Variants in GALNT5 observed in about 807,000 individuals in gnomAD.
The protein encoded by GALNT5 is polypeptide N-acetylgalactosaminyltransferase 5.
Under a neutral mutation model 85.4 loss-of-function variants are expected in GALNT5, and 72 were observed. The ratio of observed to expected loss-of-function variants is 0.84; its 90% CI spans 0.70 to 1.03. The LOEUF (loss-of-function observed/expected upper bound fraction) is 1.03. Ranked by LOEUF, GALNT5 falls within the 50% of genes least tolerant of loss-of-function variation. The probability of loss-of-function intolerance (pLI) is 0.00; values close to 1 mark genes in which losing one functional copy is unlikely to be tolerated. For missense variants in GALNT5, 1,137 were observed against 1,135.5 expected (o/e 1.00, Z -0.02); for synonymous variants, 404 against 397.0 (o/e 1.02, Z -0.21).
At chr2:157,277,996 A>G (rs929030133) in intron 1 of GALNT5, among the ~76,000 whole-genome samples, 9 of 152,042 alleles carry the variant, frequency 5.9e-5, no homozygotes, top group African/African-American at 2.2e-4. Flanking sequence ...TTCCTTCAGG[A>G]GCTCTTGTAA....
intron 1 of GALNT5, among the ~76,000 whole-genome samples, chr2:157,262,896 C>T (rs953739342): frequency 7.9e-5 from 11 of 138,790 alleles, no homozygotes; most frequent in East Asian, 6.5e-4. Context: ...GGTGCGATCT[C>T]GGCTCACTGC....
In GALNT5 at chr2:157,259,127, A is replaced by G; in HGVS notation, c.1045A>G (p.Lys349Glu). ...TTCTAAAACCAAAACAATATTTCCT[A>G]AAGTATTGGGTAAAAGCCAAAGTAA... The part of the protein sequence containing the change: ...SNSKTKTIFP[K>E]VLGKSQSKHI... The change falls in exon 1 of 10, where the codon AAA becomes GAA. Residue 349 changes from lysine (K) to glutamate (E), a missense_variant. By Grantham distance (56) the Lys-to-Glu change is moderately conservative. Transcript: ENST00000259056. 2 of 1,476,522 alleles carry G rather than the reference A, an allele frequency of 1.4e-6. No homozygotes were observed. Among genetic ancestry groups the G allele is most frequent in the Admixed American group, 4.7e-5 (2 of 42,424 alleles). 91.5% of individuals were successfully genotyped at this position (1,476,522 alleles called of 1,614,324 possible).
intron 3 of GALNT5, among the ~76,000 whole-genome samples, chr2:157,291,797 C>T (rs1284664105): frequency 2.0e-5 from 3 of 152,122 alleles, no homozygotes; most frequent in Non-Finnish European, 2.9e-5. Context: ...CTCTCTCCTA[C>T]CCTTTCCAAA....
chr2:157,303,113 T>C (rs1221667532), intron 7 of GALNT5, among the ~76,000 whole-genome samples: 1 of 152,220 alleles, frequency 6.6e-6, no homozygotes, highest in Non-Finnish European at 1.5e-5. Flanking sequence ...GAAAGTTTTG[T>C]GTTTTGTAAT....
intron 9 of GALNT5, among the ~76,000 whole-genome samples, chr2:157,309,274 C>T (rs995119218): frequency 6.6e-6 from 1 of 152,196 alleles, no homozygotes. Flanking sequence ...GCCAGCTTTG[C>T]ATTTAATCAT....
Position 157,299,637 on chromosome 2 carries a change from G to A in GALNT5, c.2087G>A (p.Gly696Asp). The A allele has an allele frequency of 6.2e-7, 1 of 1,608,058 alleles. No individual in the cohort carries two copies. Among genetic ancestry groups the A allele is most frequent in the Non-Finnish European group, 8.5e-7 (1 of 1,174,874 alleles). Residue 696 changes from glycine to aspartate, a missense_variant, in exon 6 of 10, where the codon GGT (glycine) becomes GAT (aspartate). By Grantham distance (94) the Gly-to-Asp change is moderately conservative. Coordinates refer to ENST00000259056, the MANE Select transcript of GALNT5 (RefSeq NM_014568.3). The part of the protein sequence containing the change: ...GTYDPGLDVW[G>D]GENMELSFKV... ...TACGACCCTGGCCTTGATGTTTGGG[G>A]TGGGGAAAATATGGAGCTCTCATTC...
At chr2:157,272,775 C>T (rs1682618865) in intron 1 of GALNT5, among the ~76,000 whole-genome samples, 1 of 152,118 alleles carries the variant, frequency 6.6e-6, no homozygotes, top group Admixed American at 6.5e-5. Context: ...ATCCAATCCA[C>T]CATTGAGGGG....
At position 157,308,569 on chromosome 2, in the gene GALNT5, T is replaced by A. The variant is rs1352997590; in HGVS notation, c.2523T>A (p.Leu841=). The A allele has an allele frequency of 6.2e-7, 1 of 1,604,702 alleles. No homozygotes were observed. The highest frequency in any genetic ancestry group is 8.5e-7 in the Non-Finnish European group (1 of 1,177,468). Residue 841 remains leucine, a splice_region_variant and synonymous_variant, in exon 9 of 10, where the codon CTT becomes CTA. Transcript: ENST00000259056. The part of the protein sequence containing the change: ...ILEDCDGSKE[L]QQFNYTWLRL... The stretch of plus-strand genomic sequence containing the variant: ...CTCTTTATTCATTTCCCCCACAGCT[T>A]CAACAATTTAATTACACCTGGTTAA...
intron 1 of GALNT5, among the ~76,000 whole-genome samples, chr2:157,271,917 G>T (rs1173199335): frequency 6.6e-6 from 1 of 152,124 alleles, no homozygotes; most frequent in Non-Finnish European, 1.5e-5. Flanking sequence ...AGAAAACAAA[G>T]CCCCAGACCC....
At chr2:157,280,087 C>T (rs1341801934) in intron 1 of GALNT5, among the ~76,000 whole-genome samples, 1 of 152,190 alleles carries the variant, frequency 6.6e-6, no homozygotes, top group African/African-American at 2.4e-5. Context: ...CATGAGCTAC[C>T]TCACCCAGCC....
At chr2:157,308,521 CTG>C (rs1683500180) in intron 8 of GALNT5, 44 bp from the exon 9 acceptor site, 4 of 1,487,180 alleles carry the variant, frequency 2.7e-6, no homozygotes, top group East Asian at 2.3e-5. Context: ...AAGCCCCTGC[CTG>C]TGTTTGCTGC....
intron 3 of GALNT5, among the ~76,000 whole-genome samples, chr2:157,290,110 T>TACACAC (rs1270926625): frequency 3.1e-5 from 4 of 128,638 alleles, no homozygotes; most frequent in African/African-American, 1.5e-4. Context: ...TATATATATA[T>TACACAC]ATACATACAC....
At chr2:157,260,657 G>A (rs1348324976) in intron 1 of GALNT5, among the ~76,000 whole-genome samples, 1 of 152,166 alleles carries the variant, frequency 6.6e-6, no homozygotes, top group Non-Finnish European at 1.5e-5. Context: ...GGCTTCTGTA[G>A]AAAATTCTTC....
intron 1 of GALNT5, among the ~76,000 whole-genome samples, chr2:157,279,425 C>T (rs1208485219): frequency 6.6e-6 from 1 of 152,248 alleles, no homozygotes; most frequent in African/African-American, 2.4e-5. Flanking sequence ...ATGCCCTACT[C>T]ACAGAGGTGG....
intron 1 of GALNT5, among the ~76,000 whole-genome samples, chr2:157,275,133 G>A (rs1319784449): frequency 6.6e-6 from 1 of 152,140 alleles, no homozygotes; most frequent in Non-Finnish European, 1.5e-5. Context: ...AAGATCAGAT[G>A]GTTGTAGATG....
intron 1 of GALNT5, 144 bp from the exon 2 acceptor site, chr2:157,284,132 GTATATA>G: frequency 3.3e-6 from 2 of 601,620 alleles, no homozygotes; most frequent in Non-Finnish European, 5.9e-6. Context: ...ATCATCATTG[GTATATA>G]TAAATAGATG....
chr2:157,266,573 ATG>A (rs1023273989), intron 1 of GALNT5, among the ~76,000 whole-genome samples: 7 of 152,096 alleles, frequency 4.6e-5, no homozygotes, highest in Non-Finnish European at 8.8e-5. Context: ...ATGTAGACTT[ATG>A]TGTGTGTGTT....
rs114309778 is a variant in GALNT5, at chr2:157,287,237, T to C, written c.1741+1103T>C. Among the ~76,000 whole-genome samples the C allele has an allele frequency of 3.7e-3, 558 of 152,328 alleles. 4 individuals carry two copies. The highest frequency in any genetic ancestry group is 0.012 in the African/African-American group (507 of 41,588). ...TGAAAATATTCTGTTTTTCTTACAA[T>C]GTTTTACCCAATGGTTTTTAGTATC... On this transcript the variant is annotated intron_variant, in intron 3 of 9. Transcript: ENST00000259056.
At position 157,258,135 on chromosome 2, in the gene GALNT5, T is replaced by C. The variant is rs1417315730; in HGVS notation, c.53T>C (p.Ile18Thr). 1.9e-6 allele frequency: 3 copies of C among 1,614,108 alleles called. No individual in the cohort carries two copies. The highest frequency in any genetic ancestry group is 2.5e-6 in the Non-Finnish European group (3 of 1,180,008). Residue 18 changes from isoleucine to threonine, a missense_variant, in exon 1 of 10, where the codon ATC becomes ACC. Coordinates refer to ENST00000259056, the MANE Select transcript of GALNT5 (RefSeq NM_014568.3). ...GGAAGTGGGCGAGTCTTGGCATTTA[T>C]CTTTGTAGCTTCTGTCATCTGGCTC... Reference protein sequence around the residue: ...FRGSGRVLAFIFVASVIWLLF... With the variant: ...FRGSGRVLAFTFVASVIWLLF...
Sources: allele counts gnomAD v4.1 joint callset (sites outside exome capture counted in the v4.1 genomes callset), GRCh38; gene constraint gnomAD v4.1.1; transcripts MANE v1.5; gene names NCBI Gene and HGNC (gene_info 2026-07-23, HGNC 2026-07-21).